Variants in FBXL19 observed in about 807,000 individuals in gnomAD.
The protein encoded by FBXL19 is F-box/LRR-repeat protein 19.
Under a neutral mutation model 71.2 loss-of-function variants are expected in FBXL19, and 16 were observed. That is an observed-to-expected ratio of 0.22 (90% CI 0.15 to 0.34). The LOEUF is 0.34. FBXL19 is among the 10% of genes least tolerant of loss of function. The pLI is 1.00. For synonymous variants in FBXL19, 447 were observed against 409.4 expected, an observed-to-expected ratio of 1.09 and a Z score of -1.11; for missense variants, 658 against 968.2, an observed-to-expected ratio of 0.68 and a Z score of 4.25.
In FBXL19 at chr16:30,924,408, A is replaced by C. The variant is rs1045692272; in HGVS notation, c.-76A>C. 2 of 222,626 alleles carry C rather than the reference A, an allele frequency of 9.0e-6. No individual in the cohort carries two copies. The highest frequency in any genetic ancestry group is 8.8e-5 in the East Asian group (1 of 11,328). The allele number at this position is 222,626 out of a possible 1,614,324, so 13.8% of individuals were successfully genotyped here. Reference sequence around the variant, plus strand: ...GCCCCCCCGCCGCCGATGGCCGCCGACCCGCCGGGAGCTGCCGAGAAGGGA... The same window carrying C: ...GCCCCCCCGCCGCCGATGGCCGCCGCCCCGCCGGGAGCTGCCGAGAAGGGA... On this transcript the variant is annotated 5_prime_UTR_variant, in exon 1 of 11. Transcript: ENST00000338343.
chr16:30,929,740 G>A (rs2055647003), intron 6 of FBXL19, among the ~76,000 whole-genome samples: 1 of 152,110 alleles, frequency 6.6e-6, no homozygotes. Context: ...ATTTTTAGTA[G>A]AGACAGGGTT....
At chr16:30,931,041 C>T (rs757675040) in intron 7 of FBXL19, among the ~76,000 whole-genome samples, 1 of 152,132 alleles carries the variant, frequency 6.6e-6, no homozygotes, top group African/African-American at 2.4e-5. Flanking sequence ...CTTAGGAGAA[C>T]GCCATGTGCT....
At chr16:30,932,472 T>A (rs1231686514) in intron 7 of FBXL19, among the ~76,000 whole-genome samples, 2 of 152,186 alleles carry the variant, frequency 1.3e-5, no homozygotes, top group Non-Finnish European at 2.9e-5. Flanking sequence ...ACGGGAGACG[T>A]GTGGCCCGAA....
intron 7 of FBXL19, among the ~76,000 whole-genome samples, chr16:30,934,139 C>T (rs1017358446): frequency 6.6e-6 from 1 of 151,766 alleles, no homozygotes; most frequent in Non-Finnish European, 1.5e-5. Context: ...CCAAGACGGG[C>T]GGATCACTTG....
upstream of FBXL19, chr16:30,923,323 C>G (rs2055546372): frequency 7.2e-6 from 3 of 417,468 alleles, no homozygotes; most frequent in African/African-American, 2.0e-5. Context: ...ATCCTCGGCT[C>G]CCGGCTGGGC....
In FBXL19 at chr16:30,947,386, C is replaced by G. The variant is rs1012426572; in HGVS notation, c.*156C>G. On this transcript the variant is annotated 3_prime_UTR_variant, in exon 11 of 11. Transcript: ENST00000338343. ...ACCCAGGGACTCAAGCCAGCCACCC[C>G]CTTCTTTCCCCCCTGCACTGATATC... The G allele has an allele frequency of 1.1e-5, 7 of 614,950 alleles. No homozygotes were observed. Among genetic ancestry groups the G allele is most frequent in the African/African-American group, 3.7e-5 (2 of 54,066 alleles). The allele number at this position is 614,950 out of a possible 1,614,324, so 38.1% of individuals were successfully genotyped here.
rs1404432584 is a variant in FBXL19, at chr16:30,947,822, C to T, written c.*592C>T. 6.7e-6 allele frequency: 3 copies of T among 445,656 alleles called. No individual in the cohort carries two copies. Among genetic ancestry groups the T allele is most frequent in the East Asian group, 7.3e-5 (1 of 13,616 alleles). 27.6% of individuals were successfully genotyped at this position (445,656 alleles called of 1,614,324 possible). A position where few individuals can be genotyped will look rare whatever the true frequency, so the allele number is the denominator to read the frequency against. On this transcript the variant is annotated 3_prime_UTR_variant, in exon 11 of 11. Coordinates refer to ENST00000338343, the MANE Select transcript of FBXL19 (RefSeq NM_001382779.1). ...GGGACAGCAATACCCCCTTGGGGGT[C>T]ACCTCTCTGCTTCCCCCCTCCCCAG... is the stretch of plus-strand genomic sequence containing the variant.
In FBXL19 at chr16:30,942,057, A is replaced by T; in HGVS notation, c.1302-59A>T. The T allele has an allele frequency of 6.8e-7, 1 of 1,459,952 alleles. No homozygotes were observed. Among genetic ancestry groups the T allele is most frequent in the Non-Finnish European group, 9.1e-7 (1 of 1,101,070 alleles). 90.4% of individuals were successfully genotyped at this position (1,459,952 alleles called of 1,614,324 possible). On this transcript the variant is annotated intron_variant, in intron 7 of 10. Coordinates refer to ENST00000338343, the MANE Select transcript of FBXL19 (RefSeq NM_001382779.1). This position sits in a 1 kb window ranked among gnomAD's most constrained non-coding sequence, Gnocchi z 5.7. ...CACCCTTGGAGCTGGGGAGCCTGGGAACTGTGGGCTGCTGAGAGCTGAGGG... is the reference window on the plus strand; with the variant it reads ...CACCCTTGGAGCTGGGGAGCCTGGGTACTGTGGGCTGCTGAGAGCTGAGGG...
intron 7 of FBXL19, among the ~76,000 whole-genome samples, chr16:30,931,871 C>G (rs921136121): frequency 6.6e-6 from 1 of 151,602 alleles, no homozygotes; most frequent in African/African-American, 2.4e-5. Context: ...GGATTATAGG[C>G]ACCCACCACC....
intron 7 of FBXL19, among the ~76,000 whole-genome samples, chr16:30,932,143 C>A (rs2055681724): frequency 6.6e-6 from 1 of 152,160 alleles, no homozygotes; most frequent in Admixed American, 6.5e-5. Context: ...ATAGTGTTTT[C>A]TTGAGCTAAT....
rs2055864971 is a variant in FBXL19, at chr16:30,946,857, C to T, written c.1755C>T (p.Ser585=). The T allele has an allele frequency of 6.2e-7, 1 of 1,611,774 alleles. No homozygotes were observed. Among genetic ancestry groups the T allele is most frequent in the Admixed American group, 1.7e-5 (1 of 59,866 alleles). The change falls in exon 10 of 11, where the codon AGC becomes AGT. Residue 585 remains serine, a synonymous_variant. Coordinates refer to ENST00000338343, the MANE Select transcript of FBXL19 (RefSeq NM_001382779.1). The surrounding 1 kb of genome is among the most constrained non-coding windows in gnomAD (Gnocchi z 6.7). ...CCCAGCTGAGCGCCCTGGACCTGAGCCACTGCGCCCACGTCGGGGACCCCA... is the reference window on the plus strand; with the variant it reads ...CCCAGCTGAGCGCCCTGGACCTGAGTCACTGCGCCCACGTCGGGGACCCCA... ...HAPQLSALDL[S]HCAHVGDPSV... is the part of the protein sequence containing the mutation.
chr16:30,929,639 A>G (rs1596651060), intron 6 of FBXL19, among the ~76,000 whole-genome samples: 1 of 151,812 alleles, frequency 6.6e-6, no homozygotes, highest in African/African-American at 2.4e-5. Flanking sequence ...GCCCGCTGAA[A>G]CCTCCACCTC....
intron 7 of FBXL19, among the ~76,000 whole-genome samples, chr16:30,938,545 C>CTGGCATTTT (rs1346225221): frequency 1.3e-5 from 2 of 152,146 alleles, no homozygotes; most frequent in Admixed American, 1.3e-4. Flanking sequence ...TGGAGTAGGT[C>CTGGCATTTT]TGGCATTTTT....
rs953816989 is a variant in FBXL19, at chr16:30,930,777, C to T, written c.1301+193C>T. On this transcript the variant is annotated intron_variant, in intron 7 of 10. Coordinates refer to ENST00000338343, the MANE Select transcript of FBXL19 (RefSeq NM_001382779.1). The surrounding 1 kb of genome is among the most constrained non-coding windows in gnomAD (Gnocchi z 8.5). ...CTTTCCACTTATGGGCTCATTTAAC[C>T]CCCTAGACAACTTTGAGGTAGAGGT... 6.6e-6 allele frequency among the ~76,000 whole-genome samples: 1 copy of T among 152,204 alleles called. No homozygotes were observed. The highest frequency in any genetic ancestry group is 1.5e-5 in the Non-Finnish European group (1 of 68,044).
At position 30,930,692 on chromosome 16, in the gene FBXL19, A is replaced by T; in HGVS notation, c.1301+108A>T. Reference sequence around the variant, plus strand: ...TCTGGGCCTTGCTTTTATATTGGGGATACTTCTCTAGTATGCACAGATTAC... The same window carrying T: ...TCTGGGCCTTGCTTTTATATTGGGGTTACTTCTCTAGTATGCACAGATTAC... On this transcript the variant is annotated intron_variant, in intron 7 of 10. Transcript: ENST00000338343. The surrounding 1 kb of genome is among the most constrained non-coding windows in gnomAD (Gnocchi z 8.5). The T allele has an allele frequency of 8.2e-7, 1 of 1,217,336 alleles. No homozygotes were observed. Among genetic ancestry groups the T allele is most frequent in the Non-Finnish European group, 1.1e-6 (1 of 928,306 alleles). The allele number at this position is 1,217,336 out of a possible 1,614,324, so 75.4% of individuals were successfully genotyped here. A position where few individuals can be genotyped will look rare whatever the true frequency, so the allele number is the denominator to read the frequency against.
intron 2 of FBXL19, among the ~76,000 whole-genome samples, chr16:30,926,217 C>T (rs1247499243): frequency 6.6e-6 from 1 of 152,164 alleles, no homozygotes; most frequent in South Asian, 2.1e-4. Context: ...TATCACCCCC[C>T]AAGATGTCTC....
In FBXL19 at chr16:30,923,698, C is replaced by CT. The variant is rs1165230029; in HGVS notation, c.-785dup. On this transcript the variant is annotated 5_prime_UTR_variant, in exon 1 of 11. Transcript: ENST00000338343. Reference sequence around the variant, plus strand: ...CCCCAACTGCCCCCTTCCCCTTTCCCTCTCCCCCTCTATCCTTTCCTTCCA... The same window carrying CT: ...CCCCAACTGCCCCCTTCCCCTTTCCCTTCTCCCCCTCTATCCTTTCCTTCCA... Among the ~76,000 whole-genome samples, 2 of 151,792 alleles carry CT rather than the reference C, an allele frequency of 1.3e-5. No homozygotes were observed. The highest frequency in any genetic ancestry group is 4.8e-5 in the African/African-American group (2 of 41,316).
chr16:30,934,664 A>AC (rs2055712040), intron 7 of FBXL19, among the ~76,000 whole-genome samples: 1 of 151,722 alleles, frequency 6.6e-6, no homozygotes, highest in Non-Finnish European at 1.5e-5. Context: ...TCTCAAAAAA[A>AC]AAAATGTGGA....
rs560771266 is a variant in FBXL19, at chr16:30,925,220, A to G, written c.-24-511A>G. 2.0e-4 allele frequency among the ~76,000 whole-genome samples: 31 copies of G among 151,682 alleles called. No homozygotes were observed. The East Asian group carries it at 5.9e-3, about 29-fold the overall frequency. On this transcript the variant is annotated intron_variant, in intron 1 of 10. Transcript: ENST00000338343. This position sits in a 1 kb window ranked among gnomAD's most constrained non-coding sequence, Gnocchi z 5.0. Reference sequence around the variant, plus strand: ...AGAGATTGGATGGCTGCTGTGGATGAAAAGGTTGGTGGGGCGGGGGGGAGG... The same window carrying G: ...AGAGATTGGATGGCTGCTGTGGATGGAAAGGTTGGTGGGGCGGGGGGGAGG...
Sources: allele counts gnomAD v4.1 joint callset (sites outside exome capture counted in the v4.1 genomes callset), GRCh38; gene constraint gnomAD v4.1.1; non-coding constraint Gnocchi (gnomAD v3.1); transcripts MANE v1.5; gene names NCBI Gene and HGNC (gene_info 2026-07-23, HGNC 2026-07-21).